Variants in PCDHB1 observed in about 807,000 individuals in gnomAD.
PCDHB1 encodes protocadherin beta 1, also known as protocadherin beta-1.
Under a neutral mutation model 43.5 loss-of-function variants are expected in PCDHB1, and 44 were observed. The observed-to-expected ratio is 1.01, with a 90% CI of 0.79 to 1.30. PCDHB1 has a LOEUF of 1.30. Among genes scored for constraint, PCDHB1 ranks in the 50% most tolerant of loss-of-function variants. The pLI is 0.00. For missense variants in PCDHB1, 919 were observed against 1,008.9 expected (o/e 0.91, Z 1.21); for synonymous variants, 392 against 400.8 (o/e 0.98, Z 0.26).
rs1751162503 is a variant in PCDHB1, at chr5:141,057,625, T to TA, written c.*3704dup. On this transcript the variant is annotated 3_prime_UTR_variant, in exon 1 of 1. Transcript: ENST00000306549. ...CATAAAAGAAACCATCCTTTAAATT[T>TA]AAAAAATGTATCGATTTAATAAAAA... The TA allele has an allele frequency of 6.6e-6, 1 of 151,868 alleles. No individual in the cohort carries two copies. The highest frequency in any genetic ancestry group is 1.5e-5 in the Non-Finnish European group (1 of 67,936). The allele number at this position is 151,868 out of a possible 1,614,324, so 9.4% of individuals were successfully genotyped here. A position where few individuals can be genotyped will look rare whatever the true frequency, so the allele number is the denominator to read the frequency against.
In PCDHB1 at chr5:141,053,716, T is replaced by C. The variant is rs782266837; in HGVS notation, c.2246T>C (p.Leu749Ser). 1 of 1,613,972 alleles carries C rather than the reference T, an allele frequency of 6.2e-7. No homozygotes were observed. Among genetic ancestry groups the C allele is most frequent in the Non-Finnish European group, 8.5e-7 (1 of 1,179,786 alleles). The change falls in exon 1 of 1, where the codon TTA becomes TCA. Residue 749 changes from leucine (L) to serine (S), a missense_variant. Transcript: ENST00000306549. ...GTACAAGGACAAGGCAATGGATCCT[T>C]ATCTCGGCCTTGTCCATATGAAATG... The part of the protein sequence containing the change: ...NLVQGQGNGS[L>S]SRPCPYEMCS...
Position 141,054,050 on chromosome 5 carries a change from C to T in PCDHB1, c.*123C>T, listed in dbSNP as rs537422212. 10 of 806,554 alleles carry T rather than the reference C, an allele frequency of 1.2e-5. No homozygotes were observed. The South Asian group carries it at 1.9e-4, about 15-fold the overall frequency. The allele number at this position is 806,554 out of a possible 1,614,324, so 50.0% of individuals were successfully genotyped here. ...TGCAGCTTTAGTAAAGATAAGAGTA[C>T]TTAGTTTGGTGAAAATGGGAAACCT... On this transcript the variant is annotated 3_prime_UTR_variant, in exon 1 of 1. Transcript: ENST00000306549.
In PCDHB1 at chr5:141,057,062, G is replaced by A. The variant is rs1161152282; in HGVS notation, c.*3135G>A. ...GTCAAGGATAGGAAAAGAAAATGGT[G>A]TAGATTCATGATTTTAAGACTTTGA... On this transcript the variant is annotated 3_prime_UTR_variant, in exon 1 of 1. Coordinates refer to ENST00000306549, the MANE Select transcript of PCDHB1 (RefSeq NM_013340.4). The A allele has an allele frequency of 1.3e-5, 2 of 152,182 alleles. No homozygotes were observed. The highest frequency in any genetic ancestry group is 1.9e-4 in the East Asian group (1 of 5,202). The allele number at this position is 152,182 out of a possible 1,614,324, so 9.4% of individuals were successfully genotyped here. A position where few individuals can be genotyped will look rare whatever the true frequency, so the allele number is the denominator to read the frequency against.
Position 141,052,010 on chromosome 5 carries a change from G to C in PCDHB1, c.540G>C (p.Leu180=), listed in dbSNP as rs1441800822. 2 of 1,614,114 alleles carry C rather than the reference G, an allele frequency of 1.2e-6. No homozygotes were observed. Among genetic ancestry groups the C allele is most frequent in the South Asian group, 2.2e-5 (2 of 91,088 alleles). Residue 180 remains leucine (L), a synonymous_variant, in exon 1 of 1, where the codon CTG becomes CTC. Transcript: ENST00000306549. ...YTLSANGYFH[L]HTRFCSHGPK... ...TGAGTGCCAATGGGTATTTCCACCTGCACACCCGCTTCTGCAGCCACGGGC... is the reference window on the plus strand; with the variant it reads ...TGAGTGCCAATGGGTATTTCCACCTCCACACCCGCTTCTGCAGCCACGGGC...
In PCDHB1 at chr5:141,051,498, C is replaced by T; in HGVS notation, c.28C>T (p.Gln10Ter). MAGTRRKSL[Q>*]NRQVGSLLIF... Reference sequence around the variant, plus strand: ...GGCGGGTACGCGCAGAAAATCTTTGCAAAACAGGCAAGTGGGATCTCTTCT... The same window carrying T: ...GGCGGGTACGCGCAGAAAATCTTTGTAAAACAGGCAAGTGGGATCTCTTCT... The change falls in exon 1 of 1, where the codon CAA (glutamine) becomes TAA (stop). Residue 10 changes from glutamine to a stop codon, truncating the protein, a stop_gained. Coordinates refer to ENST00000306549, the MANE Select transcript of PCDHB1 (RefSeq NM_013340.4). LOFTEE classifies it high-confidence loss of function. The T allele has an allele frequency of 6.2e-7, 1 of 1,614,166 alleles. No individual in the cohort carries two copies. Among genetic ancestry groups the T allele is most frequent in the Non-Finnish European group, 8.5e-7 (1 of 1,179,958 alleles).
Position 141,052,958 on chromosome 5 carries a change from C to A in PCDHB1, c.1488C>A (p.Asn496Lys), listed in dbSNP as rs781931412. Residue 496 changes from asparagine (N) to lysine (K), a missense_variant, in exon 1 of 1, where the codon AAC becomes AAA. Coordinates refer to ENST00000306549, the MANE Select transcript of PCDHB1 (RefSeq NM_013340.4). The stretch of plus-strand genomic sequence containing the variant: ...CATATTCTCTGTTGCCTCCAAAAAA[C>A]GGAGATCTTTCAGTCTTTGCTTACA... Reference protein sequence around the residue: ...QITYSLLPPKNGDLSVFAYIS... With the variant: ...QITYSLLPPKKGDLSVFAYIS... 1.2e-6 allele frequency: 2 copies of A among 1,614,156 alleles called. No homozygotes were observed. The highest frequency in any genetic ancestry group is 4.5e-5 in the East Asian group (2 of 44,882).
rs370497604 is a variant in PCDHB1 at position 141,057,540 on chromosome 5, C to CAAAAAAAAAAAAAAAAAAAAAAAA, written c.*3631_*3632insAAAAAAAAAAAAAAAAAAAAAAAA. 24 of 72,332 alleles carry CAAAAAAAAAAAAAAAAAAAAAAAA rather than the reference C, an allele frequency of 3.3e-4. No individual in the cohort carries two copies. The highest frequency in any genetic ancestry group is 4.5e-4 in the Non-Finnish European group (16 of 35,618). 4.5% of individuals were successfully genotyped at this position (72,332 alleles called of 1,614,324 possible). A position where few individuals can be genotyped will look rare whatever the true frequency, so the allele number is the denominator to read the frequency against. On this transcript the variant is annotated 3_prime_UTR_variant, in exon 1 of 1. Transcript: ENST00000306549. ...CTGGCGACAAAGCAAGACTCTGTCT[C>CAAAAAAAAAAAAAAAAAAAAAAAA]AAAAAAAAAAAAAAAAAAGAAAAAA...
rs151331262 is a variant in PCDHB1 at position 141,058,485 on chromosome 5, C to CT, written c.*4564dup. On this transcript the variant is annotated 3_prime_UTR_variant, in exon 1 of 1. Transcript: ENST00000306549. ...ATGTCACACTACTGGTGATATTAAT[C>CT]TTTTTTCTTTTATTGTGGTAAAGAA... 6.6e-6 allele frequency: 1 copy of CT among 151,906 alleles called. No individual in the cohort carries two copies. Among genetic ancestry groups the CT allele is most frequent in the African/African-American group, 2.4e-5 (1 of 41,368 alleles). 9.4% of individuals were successfully genotyped at this position (151,906 alleles called of 1,614,324 possible).
Position 141,053,332 on chromosome 5 carries a change from A to G in PCDHB1, c.1862A>G (p.Gln621Arg). Residue 621 changes from glutamine to arginine, a missense_variant, in exon 1 of 1, where the codon CAA becomes CGA. Gln to Arg is a conservative substitution (Grantham distance 43, BLOSUM62 1). Coordinates refer to ENST00000306549, the MANE Select transcript of PCDHB1 (RefSeq NM_013340.4). ...CTTGGGTTATTTTCTGTTCAAAGAC[A>G]AAATGGAGAAATCCATACATTAAGG... ...TDLGLFSVQR[Q>R]NGEIHTLRQI... 6.2e-7 allele frequency: 1 copy of G among 1,614,234 alleles called. No homozygotes were observed. The highest frequency in any genetic ancestry group is 8.5e-7 in the Non-Finnish European group (1 of 1,180,040).
chr5:141,053,287 A>G lies in PCDHB1; in HGVS notation c.1817A>G (p.His606Arg), dbSNP rs1554267431. ...DSGQNSWLSY[H>R]LLKATDLGLF... ...GGTCAGAATTCTTGGCTTTCATATC[A>G]TCTACTTAAGGCCACTGACCTTGGG... The change falls in exon 1 of 1, where the codon CAT becomes CGT. Residue 606 changes from histidine (H) to arginine (R), a missense_variant. Physicochemically the swap from His to Arg is conservative, Grantham distance 29. Transcript: ENST00000306549. The G allele has an allele frequency of 2.5e-6, 4 of 1,614,228 alleles. 1 individual carries two copies. In the South Asian group the frequency reaches 4.4e-5, roughly 18 times the overall value.
rs1554267561 is a variant in PCDHB1, at chr5:141,053,879, G to A, written c.2409G>A (p.Lys803=). The part of the protein sequence containing the change: ...SSLPPNSDRN[K]SQRLEGHDQV... ...TGCCCCCAAATTCTGATAGGAATAA[G>A]TCTCAGAGATTAGAGGGCCATGACC... Residue 803 remains lysine (K), a synonymous_variant, in exon 1 of 1, where the codon AAG becomes AAA. Coordinates refer to ENST00000306549, the MANE Select transcript of PCDHB1 (RefSeq NM_013340.4). 3 of 1,614,188 alleles carry A rather than the reference G, an allele frequency of 1.9e-6. No individual in the cohort carries two copies. Among genetic ancestry groups the A allele is most frequent in the Admixed American group, 1.7e-5 (1 of 60,024 alleles).
rs1301867755 is a variant in PCDHB1 at position 141,058,671 on chromosome 5, A to G, written c.*4744A>G. 1.3e-5 allele frequency: 2 copies of G among 152,098 alleles called. No individual in the cohort carries two copies. Among genetic ancestry groups the G allele is most frequent in the East Asian group, 1.9e-4 (1 of 5,190 alleles). 9.4% of individuals were successfully genotyped at this position (152,098 alleles called of 1,614,324 possible). A position where few individuals can be genotyped will look rare whatever the true frequency, so the allele number is the denominator to read the frequency against. On this transcript the variant is annotated 3_prime_UTR_variant, in exon 1 of 1. Transcript: ENST00000306549. ...TTTGTAATTAATAAACACTTGGGGGATATGCTTTGAAACTATGCAAATATG... is the reference window on the plus strand; with the variant it reads ...TTTGTAATTAATAAACACTTGGGGGGTATGCTTTGAAACTATGCAAATATG...
chr5:141,052,020 T>C lies in PCDHB1; in HGVS notation c.550T>C (p.Phe184Leu). The change falls in exon 1 of 1, where the codon TTC becomes CTC. Residue 184 changes from phenylalanine (F) to leucine (L), a missense_variant. Coordinates refer to ENST00000306549, the MANE Select transcript of PCDHB1 (RefSeq NM_013340.4). ...TGGGTATTTCCACCTGCACACCCGC[T>C]TCTGCAGCCACGGGCCTAAATATGC... is the stretch of plus-strand genomic sequence containing the variant. Reference protein sequence around the residue: ...ANGYFHLHTRFCSHGPKYAEL... With the variant: ...ANGYFHLHTRLCSHGPKYAEL... The C allele has an allele frequency of 6.2e-7, 1 of 1,614,164 alleles. No individual in the cohort carries two copies. Among genetic ancestry groups the C allele is most frequent in the Non-Finnish European group, 8.5e-7 (1 of 1,180,030 alleles).
Position 141,058,862 on chromosome 5 carries a change from G to A in PCDHB1, c.*4935G>A, listed in dbSNP as rs1272446492. On this transcript the variant is annotated 3_prime_UTR_variant, in exon 1 of 1. Coordinates refer to ENST00000306549, the MANE Select transcript of PCDHB1 (RefSeq NM_013340.4). The stretch of plus-strand genomic sequence containing the variant: ...ACTTTCCCCCCCACTTATTTAGTTA[G>A]TTATTTCTTTACATAAGGATACCTG... 2.6e-5 allele frequency: 4 copies of A among 151,972 alleles called. No individual in the cohort carries two copies. In the East Asian group the frequency reaches 7.7e-4, roughly 29 times the overall value. 9.4% of individuals were successfully genotyped at this position (151,972 alleles called of 1,614,324 possible).
chr5:141,052,816 C>A lies in PCDHB1; in HGVS notation c.1346C>A (p.Pro449His). 6.2e-7 allele frequency: 1 copy of A among 1,614,128 alleles called. No individual in the cohort carries two copies. Among genetic ancestry groups the A allele is most frequent in the Non-Finnish European group, 8.5e-7 (1 of 1,180,028 alleles). ...EVLISDVNDN[P>H]PIFREDSYIL... ...CTAATATCCGACGTTAATGACAATC[C>A]TCCAATATTTCGGGAAGATTCCTAT... The change falls in exon 1 of 1, where the codon CCT becomes CAT. Residue 449 changes from proline (P) to histidine (H), a missense_variant. Transcript: ENST00000306549.
At position 141,051,830 on chromosome 5, in the gene PCDHB1, G is replaced by A. The variant is rs143302058; in HGVS notation, c.360G>A (p.Glu120=). ...AGCCGCTGCAGTCCTTCCGGGCCGA[G>A]GTCAGGGTATTTGATATCAATGACA... ...LVEPLQSFRA[E]VRVFDINDNA... Residue 120 remains glutamate (E), a synonymous_variant, in exon 1 of 1, where the codon GAG becomes GAA. Coordinates refer to ENST00000306549, the MANE Select transcript of PCDHB1 (RefSeq NM_013340.4). The A allele has an allele frequency of 1.6e-4, 252 of 1,614,198 alleles. No homozygotes were observed. The highest frequency in any genetic ancestry group is 4.3e-4 in the Admixed American group (26 of 60,034).
In PCDHB1 at chr5:141,053,492, C is replaced by G; in HGVS notation, c.2022C>G (p.Phe674Leu). Reference protein sequence around the residue: ...VDGFSEPYLQFQDPTKHSRKV... With the variant: ...VDGFSEPYLQLQDPTKHSRKV... ...GCTTTTCAGAGCCCTACCTGCAGTT[C>G]CAGGATCCAACCAAGCATTCTAGAA... is the stretch of plus-strand genomic sequence containing the variant. The change falls in exon 1 of 1, where the codon TTC (phenylalanine) becomes TTG (leucine). Residue 674 changes from phenylalanine (F) to leucine (L), a missense_variant. Transcript: ENST00000306549. 1 of 1,614,156 alleles carries G rather than the reference C, an allele frequency of 6.2e-7. No homozygotes were observed. The highest frequency in any genetic ancestry group is 8.5e-7 in the Non-Finnish European group (1 of 1,180,004).
rs371257108 is a variant in PCDHB1 at position 141,053,415 on chromosome 5, G to A, written c.1945G>A (p.Gly649Ser). Residue 649 changes from glycine (G) to serine (S), a missense_variant, in exon 1 of 1, where the codon GGC becomes AGC. Physicochemically the swap from Gly to Ser is moderately conservative, Grantham distance 56 (BLOSUM62 0). Coordinates refer to ENST00000306549, the MANE Select transcript of PCDHB1 (RefSeq NM_013340.4). ...ATTGATCATTCTTGTTCAGGATCAC[G>A]GCCAACCAGCTCTTTCCACTACTGT... ...QKLIILVQDH[G>S]QPALSTTVSL... is the part of the protein sequence containing the mutation. The A allele has an allele frequency of 8.1e-6, 13 of 1,614,026 alleles. No individual in the cohort carries two copies. The highest frequency in any genetic ancestry group is 2.2e-5 in the East Asian group (1 of 44,884).
At position 141,051,659 on chromosome 5, in the gene PCDHB1, G is replaced by A; in HGVS notation, c.189G>A (p.Gly63=). The A allele has an allele frequency of 6.8e-6, 11 of 1,614,248 alleles. No homozygotes were observed. The highest frequency in any genetic ancestry group is 9.3e-6 in the Non-Finnish European group (11 of 1,180,046). ...GLEVGKLAAR[G]ARLVSEGNKM... is the part of the protein sequence containing the mutation. ...AGGTAGGGAAGCTGGCTGCGCGCGG[G>A]GCGCGGCTGGTTTCCGAGGGCAACA... is the stretch of plus-strand genomic sequence containing the variant. The change falls in exon 1 of 1, where the codon GGG becomes GGA. Residue 63 remains glycine, a synonymous_variant. Transcript: ENST00000306549.
Sources: gnomAD v4.1 joint callset for allele counts on GRCh38, gnomAD v4.1.1 for gene constraint, MANE v1.5 for transcripts, NCBI Gene and HGNC (gene_info 2026-07-23, HGNC 2026-07-21) for gene names.